The following ERBB4 variants were observed in gnomAD, a reference collection of about 807,000 sequenced individuals.
The protein encoded by ERBB4 is receptor tyrosine-protein kinase erbB-4.
Under a neutral mutation model 158.0 loss-of-function variants are expected in ERBB4, and 42 were observed. The observed-to-expected ratio is 0.27, with a 90% CI of 0.21 to 0.34. The LOEUF is 0.34. ERBB4 is among the 10% of genes least tolerant of loss of function. The probability of loss-of-function intolerance (pLI) is 1.00; values close to 1 mark genes in which losing one functional copy is unlikely to be tolerated. For synonymous variants in ERBB4, 583 were observed against 558.7 expected (o/e 1.04, Z -0.61); for missense variants, 1,333 against 1,624.1 (o/e 0.82, Z 3.08).
chr2:211,952,040 G>C (rs1575426518), intron 2 of ERBB4, among the ~76,000 whole-genome samples: 1 of 152,090 alleles, frequency 6.6e-6, no homozygotes, highest in Non-Finnish European at 1.5e-5. Flanking sequence ...CTCAACCCAA[G>C]ATGTGTTGCT....
intron 1 of ERBB4, among the ~76,000 whole-genome samples, chr2:212,205,825 A>C (rs2082729432): frequency 6.6e-6 from 1 of 152,330 alleles, no homozygotes; most frequent in South Asian, 2.1e-4. Flanking sequence ...TAAAAGCAAA[A>C]TATGTGGTTA....
intron 19 of ERBB4, among the ~76,000 whole-genome samples, chr2:211,588,042 G>A (rs1322860957): frequency 2.0e-5 from 3 of 152,080 alleles, no homozygotes; most frequent in East Asian, 1.9e-4. Flanking sequence ...GAATGTGACC[G>A]TTTTCTATGT....
At chr2:211,507,570 T>C (rs2065782405) in intron 20 of ERBB4, among the ~76,000 whole-genome samples, 1 of 152,106 alleles carries the variant, frequency 6.6e-6, no homozygotes. Flanking sequence ...TTAAACAGAA[T>C]AGAGAACCCA....
chr2:212,535,841 T>G (rs1693024408), intron 1 of ERBB4, among the ~76,000 whole-genome samples: 1 of 152,192 alleles, frequency 6.6e-6, no homozygotes, highest in African/African-American at 2.4e-5. Context: ...AAGAAATATC[T>G]TAAAGATCTA....
At chr2:211,964,956 A>C (rs749937442) in intron 2 of ERBB4, among the ~76,000 whole-genome samples, 1 of 152,264 alleles carries the variant, frequency 6.6e-6, no homozygotes, top group Non-Finnish European at 1.5e-5. Flanking sequence ...ATAAAATTTA[A>C]TGTTATTATT....
chr2:212,157,372 G>A (rs1189079293), intron 1 of ERBB4, among the ~76,000 whole-genome samples: 1 of 151,988 alleles, frequency 6.6e-6, no homozygotes, highest in African/African-American at 2.4e-5. Context: ...GTATTTATTA[G>A]ATCAGACTGT....
At chr2:211,778,411 G>A (rs1044847396) in intron 4 of ERBB4, 8 of 152,108 alleles carry the variant, frequency 5.3e-5, no homozygotes, top group African/African-American at 1.9e-4. Flanking sequence ...TCTGCTAGGA[G>A]ATTATCAGAT....
intron 1 of ERBB4, among the ~76,000 whole-genome samples, chr2:212,239,062 AT>A: frequency 6.6e-6 from 1 of 152,112 alleles, no homozygotes; most frequent in Non-Finnish European, 1.5e-5. Context: ...CTTTTTTAAA[AT>A]TTTTTAAAGA....
chr2:211,918,462 T>C (rs2125071425), intron 3 of ERBB4, among the ~76,000 whole-genome samples: 1 of 152,256 alleles, frequency 6.6e-6, no homozygotes, highest in Admixed American at 6.5e-5. Context: ...GACCTTTACC[T>C]ACACTGTGGT....
intron 22 of ERBB4, 34 bp from the exon 23 acceptor site, chr2:211,424,335 T>TTAACAACATATGTTGAACAAACCAGC: frequency 6.5e-7 from 1 of 1,544,516 alleles, no homozygotes; most frequent in South Asian, 1.1e-5. Context: ...CTTAAGCATA[T>TTAACAACATATGTTGAACAAACCAGC]TAACAACATA....
At chr2:211,764,262 GA>G (rs2075493067) in intron 4 of ERBB4, among the ~76,000 whole-genome samples, 1 of 152,122 alleles carries the variant, frequency 6.6e-6, no homozygotes, top group Non-Finnish European at 1.5e-5. Context: ...ATTATTTATA[GA>G]AAAAAGATAA....
At chr2:212,423,740 G>T (rs1429361606) in intron 1 of ERBB4, among the ~76,000 whole-genome samples, 1 of 152,062 alleles carries the variant, frequency 6.6e-6, no homozygotes, top group Non-Finnish European at 1.5e-5. Flanking sequence ...TCTCTTGATA[G>T]CTTTGTGTTT....
chr2:211,717,299 A>C (rs1224204616), intron 7 of ERBB4, among the ~76,000 whole-genome samples: 1 of 152,182 alleles, frequency 6.6e-6, no homozygotes, highest in Non-Finnish European at 1.5e-5. Flanking sequence ...ATATAGGGTG[A>C]CTTTAGATAA....
chr2:212,259,487 G>A (rs923117772), intron 1 of ERBB4, among the ~76,000 whole-genome samples: 1 of 152,032 alleles, frequency 6.6e-6, no homozygotes, highest in Non-Finnish European at 1.5e-5. Flanking sequence ...TTATTGGTAA[G>A]AAGAAACAAG....
At chr2:211,532,848 A>G (rs918711557) in intron 20 of ERBB4, among the ~76,000 whole-genome samples, 1 of 151,998 alleles carries the variant, frequency 6.6e-6, no homozygotes, top group African/African-American at 2.4e-5. Flanking sequence ...ATTTCTCTAT[A>G]CTTCTCAAAT....
chr2:212,413,657 G>A (rs965089469), intron 1 of ERBB4, among the ~76,000 whole-genome samples: 1 of 151,918 alleles, frequency 6.6e-6, no homozygotes, highest in African/African-American at 2.4e-5. Context: ...TAGCAGAAAG[G>A]GCCCTGGGCT....
chr2:211,922,934 G>T (rs895774056), intron 3 of ERBB4, among the ~76,000 whole-genome samples: 2 of 152,150 alleles, frequency 1.3e-5, no homozygotes, highest in African/African-American at 2.4e-5. Context: ...GGAATGAAAA[G>T]ATTTGTGAGA....
At chr2:211,870,471 T>C (rs940437001) in intron 3 of ERBB4, among the ~76,000 whole-genome samples, 1 of 152,156 alleles carries the variant, frequency 6.6e-6, no homozygotes, top group Non-Finnish European at 1.5e-5. Context: ...AACTTAGTCA[T>C]ATGCCCTTTA....
At chr2:211,695,002 G>A (rs767567088) in intron 12 of ERBB4, among the ~76,000 whole-genome samples, 25 of 152,018 alleles carry the variant, frequency 1.6e-4, no homozygotes, top group Admixed American at 6.6e-5. Flanking sequence ...AAATGACGAC[G>A]ATATAAAGTC....
Sources: gnomAD v4.1 joint callset for allele counts (sites outside exome capture counted in the v4.1 genomes callset) on GRCh38, gnomAD v4.1.1 for gene constraint, MANE v1.5 for transcripts, NCBI Gene and HGNC (gene_info 2026-07-23, HGNC 2026-07-21) for gene names.